GALNTL6: variants seen among roughly 807,000 people sequenced by gnomAD.
GALNTL6 encodes polypeptide N-acetylgalactosaminyltransferase like 6.
GALNTL6 carries 46 observed loss-of-function variants against 73.7 expected under a neutral mutation model. The observed-to-expected ratio is 0.62, with a 90% CI of 0.49 to 0.80. The LOEUF (loss-of-function observed/expected upper bound fraction) is 0.80, where lower values mean the gene tolerates loss of function less well. GALNTL6 is among the 30% of genes least tolerant of loss of function. The probability of loss-of-function intolerance (pLI) is 0.00; values close to 1 mark genes in which losing one functional copy is unlikely to be tolerated. For synonymous variants in GALNTL6, 259 were observed against 263.7 expected (o/e 0.98, Z 0.17); for missense variants, 604 against 755.0 (o/e 0.80, Z 2.34).
chr4:172,510,528 T>A lies in GALNTL6; in HGVS notation c.553+161839T>A, dbSNP rs6855158. ...CATCCTTGTCTTGTTCCAGTTCTCATGGAGAATGCATTCAGCTTTTCCCCA... is the reference window on the plus strand; with the variant it reads ...CATCCTTGTCTTGTTCCAGTTCTCAAGGAGAATGCATTCAGCTTTTCCCCA... On this transcript the variant is annotated intron_variant, in intron 5 of 12. Transcript: ENST00000506823. Among the ~76,000 whole-genome samples the A allele has an allele frequency of 9.3e-5, 5 of 53,696 alleles. 2 individuals carry two copies. Among genetic ancestry groups the A allele is most frequent in the Admixed American group, 5.4e-4 (2 of 3,714 alleles). The allele number at this position is 53,696 out of a possible 152,430, so 35.2% of individuals were successfully genotyped here.
At chr4:172,550,463 G>A (rs1207004918) in intron 5 of GALNTL6, among the ~76,000 whole-genome samples, 1 of 152,148 alleles carries the variant, frequency 6.6e-6, no homozygotes, top group African/African-American at 2.4e-5. Context: ...CTTCTGTGAA[G>A]GTTCAGGATA....
At chr4:172,083,156 A>G (rs1731930113) in intron 2 of GALNTL6, among the ~76,000 whole-genome samples, 1 of 152,150 alleles carries the variant, frequency 6.6e-6, no homozygotes, top group African/African-American at 2.4e-5. Context: ...TGTTTTCAAA[A>G]TAAGTTTTTT....
intron 2 of GALNTL6, among the ~76,000 whole-genome samples, chr4:172,221,825 G>GT (rs1312717585): frequency 2.0e-5 from 3 of 151,754 alleles, no homozygotes; most frequent in Non-Finnish European, 4.4e-5. Context: ...TGGAAATTTT[G>GT]TATGTCAGCT....
At chr4:172,443,777 T>G (rs2111406517) in intron 5 of GALNTL6, among the ~76,000 whole-genome samples, 1 of 152,304 alleles carries the variant, frequency 6.6e-6, no homozygotes, top group East Asian at 1.9e-4. Context: ...ATGTTTATCT[T>G]TCAACACAGA....
At chr4:172,401,199 CA>C (rs1180306079) in intron 5 of GALNTL6, among the ~76,000 whole-genome samples, 1 of 152,070 alleles carries the variant, frequency 6.6e-6, no homozygotes, top group East Asian at 1.9e-4. Flanking sequence ...CACACACATG[CA>C]CACACATACA....
intron 5 of GALNTL6, among the ~76,000 whole-genome samples, chr4:172,683,384 A>G (rs941001748): frequency 6.6e-6 from 1 of 152,190 alleles, no homozygotes; most frequent in Non-Finnish European, 1.5e-5. Context: ...ATTTTAAGTC[A>G]ACATTAAAAT....
chr4:172,476,963 C>T (rs1733259294), intron 5 of GALNTL6, among the ~76,000 whole-genome samples: 1 of 134,830 alleles, frequency 7.4e-6, no homozygotes, highest in Admixed American at 8.1e-5. Flanking sequence ...CTTGCTCTGT[C>T]GCCCAGGCTA....
intron 5 of GALNTL6, among the ~76,000 whole-genome samples, chr4:172,595,344 G>A (rs938062577): frequency 2.6e-5 from 4 of 152,138 alleles, no homozygotes; most frequent in Non-Finnish European, 4.4e-5. Context: ...AGAGACCTGA[G>A]TCATTACGAA....
At chr4:171,967,116 A>T (rs412150) in intron 2 of GALNTL6, among the ~76,000 whole-genome samples, 149,267 of 152,332 alleles carry the variant, frequency 0.98, 73,211 homozygotes, top group Middle Eastern at 1. Flanking sequence ...TACCCACTTA[A>T]GTTTTCTCGT....
chr4:172,906,334 G>A (rs1349385461), intron 8 of GALNTL6, among the ~76,000 whole-genome samples: 1 of 152,056 alleles, frequency 6.6e-6, no homozygotes, highest in African/African-American at 2.4e-5. Context: ...TTCTATGCAA[G>A]TAAAGTTAAG....
At chr4:172,251,172 A>G (rs1451807328) in intron 3 of GALNTL6, among the ~76,000 whole-genome samples, 1 of 152,162 alleles carries the variant, frequency 6.6e-6, no homozygotes, top group Non-Finnish European at 1.5e-5. Context: ...CAGGAGACCC[A>G]GGGAAGAGTT....
chr4:172,472,513 C>T (rs559606285), intron 5 of GALNTL6, among the ~76,000 whole-genome samples: 1 of 152,152 alleles, frequency 6.6e-6, no homozygotes, highest in East Asian at 1.9e-4. Flanking sequence ...GTTTTAACCA[C>T]CCCCAACCCA....
intron 3 of GALNTL6, among the ~76,000 whole-genome samples, chr4:172,243,046 CATAAGGCCCAACATG>C: frequency 6.9e-6 from 1 of 144,754 alleles, no homozygotes. Context: ...TTCCACTACC[CATAAGGCCCAACATG>C]ATCTACACCT....
intron 5 of GALNTL6, among the ~76,000 whole-genome samples, chr4:172,762,408 A>G (rs953397045): frequency 6.6e-6 from 1 of 152,044 alleles, no homozygotes; most frequent in Admixed American, 6.6e-5. Context: ...AAGGGGGATC[A>G]AAAAATAACT....
intron 5 of GALNTL6, among the ~76,000 whole-genome samples, chr4:172,530,022 A>T (rs1018852439): frequency 1.3e-5 from 2 of 151,822 alleles, no homozygotes; most frequent in Admixed American, 6.6e-5. Context: ...GATTACAGGC[A>T]TGAGCCACCA....
chr4:172,324,622 G>A (rs956252794), intron 4 of GALNTL6, among the ~76,000 whole-genome samples: 4 of 150,826 alleles, frequency 2.7e-5, no homozygotes, highest in African/African-American at 9.7e-5. Flanking sequence ...TTTAATAATG[G>A]CATAATAAAT....
At chr4:171,993,029 A>G (rs1740383918) in intron 2 of GALNTL6, among the ~76,000 whole-genome samples, 1 of 151,266 alleles carries the variant, frequency 6.6e-6, no homozygotes, top group South Asian at 2.1e-4. Context: ...TGTTACATAC[A>G]TCCTTTAAGT....
intron 2 of GALNTL6, among the ~76,000 whole-genome samples, chr4:172,051,988 A>G (rs1579090357): frequency 6.6e-6 from 1 of 152,242 alleles, no homozygotes; most frequent in South Asian, 2.1e-4. Context: ...CCTTATCAGC[A>G]CTGTCATACA....
At chr4:172,080,159 C>G (rs1259976757) in intron 2 of GALNTL6, among the ~76,000 whole-genome samples, 1 of 152,072 alleles carries the variant, frequency 6.6e-6, no homozygotes, top group African/African-American at 2.4e-5. Flanking sequence ...GCCACATTTA[C>G]TTATTTACTT....
Sources: gnomAD v4.1 joint callset for allele counts (sites outside exome capture counted in the v4.1 genomes callset) on GRCh38, gnomAD v4.1.1 for gene constraint, MANE v1.5 for transcripts, NCBI Gene and HGNC (gene_info 2026-07-23, HGNC 2026-07-21) for gene names.